Variants in AUH observed in about 807,000 individuals in gnomAD.
AUH encodes methylglutaconyl-CoA hydratase, mitochondrial.
AUH carries 29 observed loss-of-function variants against 42.3 expected under a neutral mutation model. The observed-to-expected ratio is 0.69, with a 90% confidence interval of 0.51 to 0.93. The LOEUF (loss-of-function observed/expected upper bound fraction) is 0.93, where lower values mean the gene tolerates loss of function less well. Among genes scored for constraint, AUH ranks in the 40% least tolerant of loss-of-function variants. The probability of loss-of-function intolerance (pLI) is 0.00; values close to 1 mark genes in which losing one functional copy is unlikely to be tolerated. For missense variants in AUH, 452 were observed against 438.1 expected, an observed-to-expected ratio of 1.03 and a Z score of -0.28; for synonymous variants, 174 against 166.4, an observed-to-expected ratio of 1.05 and a Z score of -0.35.
At chr9:91,244,586 A>C (rs1488455898) in intron 6 of AUH, among the ~76,000 whole-genome samples, 1 of 152,134 alleles carries the variant, frequency 6.6e-6, no homozygotes, top group Non-Finnish European at 1.5e-5. Flanking sequence ...CACATCTCCC[A>C]ACTAGCTTCC....
At chr9:91,220,407 C>T (rs887857019) in intron 7 of AUH, among the ~76,000 whole-genome samples, 1 of 152,252 alleles carries the variant, frequency 6.6e-6, no homozygotes, top group Admixed American at 6.5e-5. Context: ...TAGAAAACAG[C>T]ATATTTCAAT....
chr9:91,278,178 G>A (rs898783407), intron 6 of AUH, among the ~76,000 whole-genome samples: 3 of 152,140 alleles, frequency 2.0e-5, no homozygotes, highest in African/African-American at 7.2e-5. Context: ...CCACACAAGG[G>A]TGCCATGCCT....
At chr9:91,333,901 C>T (rs538663118) in intron 3 of AUH, among the ~76,000 whole-genome samples, 20 of 152,274 alleles carry the variant, frequency 1.3e-4, no homozygotes, top group Non-Finnish European at 2.2e-4. Context: ...TTTTTCCCCT[C>T]CCTGTAGCAA....
chr9:91,329,833 T>C (rs1458655715), intron 3 of AUH, among the ~76,000 whole-genome samples: 1 of 152,102 alleles, frequency 6.6e-6, no homozygotes. Flanking sequence ...CTTAGCAAAT[T>C]AGGAAGAAAA....
chr9:91,298,376 T>G (rs1827515192), intron 4 of AUH, among the ~76,000 whole-genome samples: 1 of 152,234 alleles, frequency 6.6e-6, no homozygotes, highest in South Asian at 2.1e-4. Flanking sequence ...TACGATTTCT[T>G]AATCTTAGAG....
chr9:91,353,781 A>C (rs1291392349), intron 3 of AUH, among the ~76,000 whole-genome samples: 1 of 132,582 alleles, frequency 7.5e-6, no homozygotes, highest in Non-Finnish European at 1.5e-5. Flanking sequence ...AGATCGTGCC[A>C]CTGCACTCCA....
intron 3 of AUH, among the ~76,000 whole-genome samples, chr9:91,336,672 T>C: frequency 7.0e-6 from 1 of 143,162 alleles, no homozygotes; most frequent in African/African-American, 2.6e-5. Context: ...TCACACAGAC[T>C]CGGTCTCCAG....
At chr9:91,227,052 T>C (rs1035287659) in intron 6 of AUH, among the ~76,000 whole-genome samples, 1 of 151,778 alleles carries the variant, frequency 6.6e-6, no homozygotes, top group Admixed American at 6.6e-5. Flanking sequence ...TTTGGTTCCA[T>C]ATGAACTTTA....
At chr9:91,354,611 A>C (rs1418415782) in intron 3 of AUH, among the ~76,000 whole-genome samples, 1 of 152,258 alleles carries the variant, frequency 6.6e-6, no homozygotes, top group Non-Finnish European at 1.5e-5. Context: ...ACCAGTAACT[A>C]TAGTGCAATA....
At chr9:91,348,700 G>A (rs1193524462) in intron 3 of AUH, among the ~76,000 whole-genome samples, 4 of 152,182 alleles carry the variant, frequency 2.6e-5, no homozygotes, top group African/African-American at 9.6e-5. Flanking sequence ...TACAGAAGAT[G>A]CTAAACTAGG....
intron 3 of AUH, among the ~76,000 whole-genome samples, chr9:91,353,922 T>G (rs112036589): frequency 0.07 from 10,641 of 151,398 alleles, 658 homozygotes; most frequent in East Asian, 0.26. Flanking sequence ...ATTCCAGCCC[T>G]TTGGGATGCC....
chr9:91,290,164 C>A (rs371373018), intron 6 of AUH, among the ~76,000 whole-genome samples: 38 of 151,178 alleles, frequency 2.5e-4, no homozygotes, highest in African/African-American at 9.1e-4. Context: ...GCCTGTAATC[C>A]CAGCACTTTG....
intron 6 of AUH, among the ~76,000 whole-genome samples, chr9:91,238,027 G>T (rs946077482): frequency 2.6e-5 from 4 of 152,196 alleles, no homozygotes; most frequent in African/African-American, 9.6e-5. Flanking sequence ...TTGCTAGTCA[G>T]TACTTCACTA....
chr9:91,268,125 C>G (rs1830075762), intron 6 of AUH, among the ~76,000 whole-genome samples: 2 of 152,214 alleles, frequency 1.3e-5, no homozygotes, highest in Admixed American at 1.3e-4. Flanking sequence ...TCGTAATAAA[C>G]ATCATCATTC....
chr9:91,347,445 G>C (rs147953863), intron 3 of AUH, among the ~76,000 whole-genome samples: 3 of 152,270 alleles, frequency 2.0e-5, no homozygotes, highest in Non-Finnish European at 4.4e-5. Context: ...ACTGGTAACT[G>C]AGCTGAATCT....
rs768730430 is a variant in AUH, at chr9:91,356,127, A to G, written c.291T>C (p.Ala97=). ...RGIVVLGINR[A]YGKNSLSKNL... The stretch of plus-strand genomic sequence containing the variant: ...TTTTACTGAGTGAATTTTTGCCATA[A>G]GCTCTGTTTATTCCAAGCACCACAA... The change falls in exon 2 of 10, where the codon GCT becomes GCC. Residue 97 remains alanine (A), a synonymous_variant. Coordinates refer to ENST00000375731, the MANE Select transcript of AUH (RefSeq NM_001698.3). 5.0e-6 allele frequency: 8 copies of G among 1,613,782 alleles called. No homozygotes were observed. The South Asian group carries it at 8.8e-5, about 18-fold the overall frequency.
intron 7 of AUH, among the ~76,000 whole-genome samples, chr9:91,219,642 C>T (rs1309211109): frequency 1.3e-5 from 2 of 152,150 alleles, no homozygotes; most frequent in South Asian, 2.1e-4. Context: ...ATATAATGGT[C>T]CTTCCCTAAA....
intron 7 of AUH, chr9:91,218,762 C>T: frequency 2.0e-6 from 2 of 984,600 alleles, no homozygotes; most frequent in Non-Finnish European, 2.4e-6. Context: ...ACAGATATCA[C>T]CTAGAAATAC....
intron 4 of AUH, among the ~76,000 whole-genome samples, chr9:91,321,363 A>ATGT (rs1829556639): frequency 6.6e-6 from 1 of 152,130 alleles, no homozygotes; most frequent in Non-Finnish European, 1.5e-5. Flanking sequence ...TTAAGATTGG[A>ATGT]TGAACTTATC....
Sources: gnomAD v4.1 joint callset for allele counts (sites outside exome capture counted in the v4.1 genomes callset) on GRCh38, gnomAD v4.1.1 for gene constraint, MANE v1.5 for transcripts, NCBI Gene and HGNC (gene_info 2026-07-23, HGNC 2026-07-21) for gene names.